The following KLF12 variants were observed in gnomAD, a reference collection of about 807,000 sequenced individuals.
The protein encoded by KLF12 is KLF transcription factor 12.
Under a neutral mutation model 37.8 loss-of-function variants are expected in KLF12, and 9 were observed. The ratio of observed to expected loss-of-function variants is 0.24; its 90% CI spans 0.14 to 0.42. The LOEUF (loss-of-function observed/expected upper bound fraction) is 0.42. KLF12 is among the 10% of genes least tolerant of loss of function. KLF12 has a pLI of 1.00. For missense variants in KLF12, 411 were observed against 516.0 expected (o/e 0.80, Z 1.97); for synonymous variants, 208 against 202.1 (o/e 1.03, Z -0.25).
intron 1 of KLF12, among the ~76,000 whole-genome samples, chr13:74,083,697 C>T (rs1035326183): frequency 3.3e-5 from 5 of 152,134 alleles, no homozygotes; most frequent in African/African-American, 1.2e-4. Context: ...ACAATATGAG[C>T]TTGACATGTT....
chr13:74,085,074 C>T (rs1875182450), intron 1 of KLF12, among the ~76,000 whole-genome samples: 1 of 151,830 alleles, frequency 6.6e-6, no homozygotes, highest in African/African-American at 2.4e-5. Flanking sequence ...GTTAGATGAC[C>T]ACGTGAAAGA....
chr13:73,969,338 T>C (rs956641207), intron 2 of KLF12, among the ~76,000 whole-genome samples: 6 of 152,156 alleles, frequency 3.9e-5, no homozygotes, highest in Non-Finnish European at 7.3e-5. Context: ...TTATCTACAA[T>C]CCCCTACCAT....
intron 6 of KLF12, among the ~76,000 whole-genome samples, chr13:73,726,198 A>T (rs1015256312): frequency 6.6e-6 from 1 of 152,140 alleles, no homozygotes; most frequent in African/African-American, 2.4e-5. Flanking sequence ...TTTTCATGAA[A>T]ATTAGTTTAG....
At chr13:74,200,118 T>G in the KLF12 span, among the ~76,000 whole-genome samples, 33,063 of 151,978 alleles carry the variant, frequency 0.22, 4,824 homozygotes, top group African/African-American at 0.41. Context: ...TGTGATCATT[T>G]GCATAATGGC....
intron 1 of KLF12, among the ~76,000 whole-genome samples, chr13:74,069,324 G>A (rs928363350): frequency 2.0e-5 from 3 of 152,178 alleles, no homozygotes; most frequent in African/African-American, 7.2e-5. Context: ...AATCCCCCGC[G>A]AATATGAATG....
At chr13:74,007,977 T>A (rs1368758690) in intron 1 of KLF12, among the ~76,000 whole-genome samples, 1 of 151,612 alleles carries the variant, frequency 6.6e-6, no homozygotes, top group East Asian at 1.9e-4. Context: ...ACAGTTAACA[T>A]CAATTGATAT....
chr13:74,102,879 A>G (rs974215103), intron 1 of KLF12, among the ~76,000 whole-genome samples: 4 of 152,250 alleles, frequency 2.6e-5, no homozygotes, highest in South Asian at 4.1e-4. Context: ...GTTCACCACC[A>G]TAAGAGCAAA....
chr13:74,269,175 G>A, the KLF12 span, among the ~76,000 whole-genome samples: 16 of 152,120 alleles, frequency 1.1e-4, no homozygotes, highest in Admixed American at 5.9e-4. Context: ...CTTTTGTGCC[G>A]GCTGATGGCA....
At chr13:73,788,889 T>C (rs1881504997) in intron 5 of KLF12, among the ~76,000 whole-genome samples, 2 of 152,216 alleles carry the variant, frequency 1.3e-5, no homozygotes, top group Non-Finnish European at 2.9e-5. Context: ...AATGCCTTTC[T>C]GGTCCACAGT....
At position 73,846,222 on chromosome 13, in the gene KLF12, G is replaced by A. The variant is rs1885011402; in HGVS notation, c.275C>T (p.Ser92Phe). 1.2e-6 allele frequency: 2 copies of A among 1,614,056 alleles called. No individual in the cohort carries two copies. Among genetic ancestry groups the A allele is most frequent in the African/African-American group, 1.3e-5 (1 of 74,920 alleles). ...TGGGGAGGATGAAACGGCAGTAGGGGACGTCCTGGCTTTGTTTATTGACAA... is the reference window on the plus strand; with the variant it reads ...TGGGGAGGATGAAACGGCAGTAGGGAACGTCCTGGCTTTGTTTATTGACAA... Residue 92 changes from serine to phenylalanine, a missense_variant, in exon 4 of 8, where the codon TCC becomes TTC. This residue lies in a region of KLF12 where 351 missense variants were observed against 397.8 expected (regional missense o/e 0.88). Transcript: ENST00000377669.
rs767184668 is a variant in KLF12, at chr13:73,764,992, G to A, written c.815C>T (p.Pro272Leu). ...GCCCCGGACCCTTGATACTGGGGAC[G>A]GATGTACCCTGTAGACAGAGAAGAA... Residue 272 changes from proline (P) to leucine (L), a missense_variant, in exon 6 of 8, where the codon CCG (proline) becomes CTG (leucine). Physicochemically the swap from Pro to Leu is moderately conservative, Grantham distance 98. This residue lies in a region of KLF12 where 351 missense variants were observed against 397.8 expected (regional missense o/e 0.88). Coordinates refer to ENST00000377669, the MANE Select transcript of KLF12 (RefSeq NM_007249.5). The A allele has an allele frequency of 3.6e-5, 56 of 1,565,224 alleles. No homozygotes were observed. Among genetic ancestry groups the A allele is most frequent in the South Asian group, 1.8e-4 (16 of 88,860 alleles).
intron 7 of KLF12, among the ~76,000 whole-genome samples, chr13:73,708,304 T>G (rs1875102029): frequency 6.6e-6 from 1 of 152,196 alleles, no homozygotes; most frequent in East Asian, 1.9e-4. Context: ...CTCACAAATT[T>G]ATCAGAGAAC....
At chr13:74,167,745 T>C in the KLF12 span, among the ~76,000 whole-genome samples, 4 of 152,250 alleles carry the variant, frequency 2.6e-5, no homozygotes, top group Non-Finnish European at 4.4e-5. Context: ...ATTTCATTGT[T>C]CCTGATGTCT....
chr13:74,109,539 C>G (rs1395985337), intron 1 of KLF12, among the ~76,000 whole-genome samples: 1 of 152,114 alleles, frequency 6.6e-6, no homozygotes, highest in East Asian at 1.9e-4. Context: ...AGATGGGAAA[C>G]TTCCTCATGT....
chr13:73,825,723 A>G (rs1468199030), intron 4 of KLF12, among the ~76,000 whole-genome samples: 1 of 152,002 alleles, frequency 6.6e-6, no homozygotes, highest in African/African-American at 2.4e-5. Context: ...ACTGAAAAAA[A>G]ACAGAGAAAT....
intron 3 of KLF12, among the ~76,000 whole-genome samples, chr13:73,895,079 G>A (rs1418812387): frequency 1.3e-5 from 2 of 152,114 alleles, no homozygotes; most frequent in Non-Finnish European, 2.9e-5. Flanking sequence ...TTCCATTTAT[G>A]AACCACATAA....
chr13:73,689,879 T>G lies in KLF12; in HGVS notation c.*5611A>C, dbSNP rs1873718935. ...GCAAAACTTTTTGAATCATACATAC[T>G]GTTTCATAAGTTTGGGGCAAATGAC... On this transcript the variant is annotated 3_prime_UTR_variant, in exon 8 of 8. Coordinates refer to ENST00000377669, the MANE Select transcript of KLF12 (RefSeq NM_007249.5). The G allele has an allele frequency of 6.6e-6, 1 of 152,210 alleles. No homozygotes were observed. The highest frequency in any genetic ancestry group is 1.5e-5 in the Non-Finnish European group (1 of 68,020). 9.4% of individuals were successfully genotyped at this position (152,210 alleles called of 1,614,324 possible).
intron 2 of KLF12, among the ~76,000 whole-genome samples, chr13:73,993,043 C>T (rs544142681): frequency 6.6e-6 from 1 of 152,286 alleles, no homozygotes; most frequent in South Asian, 2.1e-4. Context: ...ACCAGCCTGG[C>T]CAACGCGGTG....
intron 6 of KLF12, among the ~76,000 whole-genome samples, chr13:73,726,778 G>C (rs995147164): frequency 6.6e-6 from 1 of 152,160 alleles, no homozygotes. Flanking sequence ...GTAGACATAT[G>C]TTTTCAGATC....
Sources: allele counts gnomAD v4.1 joint callset (sites outside exome capture counted in the v4.1 genomes callset), GRCh38; gene constraint gnomAD v4.1.1; regional missense constraint gnomAD v4.1.1; transcripts MANE v1.5; gene names NCBI Gene and HGNC (gene_info 2026-07-23, HGNC 2026-07-21).